Variants in CARF observed in about 807,000 individuals in gnomAD.
The protein encoded by CARF is calcium responsive transcription factor.
A neutral mutation model predicts 82.0 loss-of-function variants in CARF; 57 were observed. The ratio of observed to expected loss-of-function variants is 0.70; its 90% CI spans 0.56 to 0.87. The LOEUF is 0.87. CARF is among the 40% of genes least tolerant of loss of function. The probability of loss-of-function intolerance (pLI) is 0.00; values close to 1 mark genes in which losing one functional copy is unlikely to be tolerated. For synonymous variants in CARF, 268 were observed against 290.1 expected (o/e 0.92, Z 0.77); for missense variants, 771 against 855.8 (o/e 0.90, Z 1.24).
Position 202,982,448 on chromosome 2 carries a change from T to C in CARF, c.2059+7T>C. ...GACAACCACTCAGCTCTTAGTAAGT[T>C]GAAATCAATTTATGATGTTATTGTT... On this transcript the variant is annotated splice_region_variant and intron_variant, in intron 16 of 16. Coordinates refer to ENST00000438828, the MANE Select transcript of CARF (RefSeq NM_024744.17). 1 of 1,613,368 alleles carries C rather than the reference T, an allele frequency of 6.2e-7. No individual in the cohort carries two copies. Among genetic ancestry groups the C allele is most frequent in the East Asian group, 2.2e-5 (1 of 44,874 alleles).
rs561837698 is a variant in CARF at position 202,972,310 on chromosome 2, A to G, written c.1331+572A>G. 1.4e-4 allele frequency among the ~76,000 whole-genome samples: 22 copies of G among 152,196 alleles called. No homozygotes were observed. In the East Asian group the frequency reaches 3.1e-3, roughly 21 times the overall value. ...TCTCATTTAGTCTTACAATAGCACT[A>G]TTAAGTTGGTATATTTATCCCAATT... On this transcript the variant is annotated intron_variant, in intron 12 of 16. Transcript: ENST00000438828.
At chr2:202,969,798 C>A in intron 10 of CARF, 121 bp from the exon 11 acceptor site, 1 of 577,340 alleles carries the variant, frequency 1.7e-6, no homozygotes, top group Non-Finnish European at 2.8e-6. Flanking sequence ...CCTCTGAATA[C>A]TTTACAGATA....
intron 3 of CARF, among the ~76,000 whole-genome samples, chr2:202,930,097 G>A (rs1418036370): frequency 6.6e-6 from 1 of 152,096 alleles, no homozygotes; most frequent in Non-Finnish European, 1.5e-5. Flanking sequence ...GCCCAGGCTG[G>A]AGTGCAGTGG....
Position 202,983,652 on chromosome 2 carries a change from C to A in CARF, c.*28C>A. 7.4e-7 allele frequency: 1 copy of A among 1,342,542 alleles called. No homozygotes were observed. The highest frequency in any genetic ancestry group is 1.1e-6 in the Non-Finnish European group (1 of 938,554). 83.2% of individuals were successfully genotyped at this position (1,342,542 alleles called of 1,614,324 possible). A position where few individuals can be genotyped will look rare whatever the true frequency, so the allele number is the denominator to read the frequency against. ...TATTGAAGCTTTTCAGAATTTACAA[C>A]TCTGGTGACTTCTGATGTCTTAGAA... On this transcript the variant is annotated 3_prime_UTR_variant, in exon 17 of 17. Transcript: ENST00000438828.
intron 5 of CARF, among the ~76,000 whole-genome samples, chr2:202,947,130 A>G (rs2058533393): frequency 6.6e-6 from 1 of 152,202 alleles, no homozygotes; most frequent in Non-Finnish European, 1.5e-5. Flanking sequence ...TACTTTGTGT[A>G]TACCCAAAGG....
At chr2:202,975,741 C>T (rs185892351) in intron 13 of CARF, among the ~76,000 whole-genome samples, 41 of 152,140 alleles carry the variant, frequency 2.7e-4, no homozygotes, top group African/African-American at 9.4e-4. Flanking sequence ...AATAAATGGG[C>T]AAATTTAAAT....
chr2:202,932,735 T>C (rs912323328), intron 3 of CARF, among the ~76,000 whole-genome samples: 1 of 151,952 alleles, frequency 6.6e-6, no homozygotes, highest in African/African-American at 2.4e-5. Flanking sequence ...GGGAACAGCA[T>C]AGCAATGACT....
At chr2:202,934,056 AT>A (rs376495075) in intron 3 of CARF, among the ~76,000 whole-genome samples, 47 of 152,224 alleles carry the variant, frequency 3.1e-4, no homozygotes, top group Middle Eastern at 6.8e-3. Context: ...GTTAAAAAAA[AT>A]ATCAAAAAAA....
intron 3 of CARF, chr2:202,925,825 G>GA (rs1691698901): frequency 5.3e-6 from 1 of 189,150 alleles, no homozygotes; most frequent in Admixed American, 6.0e-5. Context: ...AGAAGCTGCT[G>GA]AAAGGCAAGG....
intron 11 of CARF, among the ~76,000 whole-genome samples, chr2:202,970,490 TA>T (rs2059743973): frequency 6.6e-6 from 1 of 152,212 alleles, no homozygotes; most frequent in African/African-American, 2.4e-5. Context: ...AAGCCGTAAA[TA>T]AAATTCCATT....
chr2:202,912,379 T>G lies in CARF; in HGVS notation c.-1053T>G, dbSNP rs1456873523. ...CCTCTGCTCCGGCGGACTTCCCATGTCGCCTTGTGGGGCTATCGGCGGCGG... is the reference window on the plus strand; with the variant it reads ...CCTCTGCTCCGGCGGACTTCCCATGGCGCCTTGTGGGGCTATCGGCGGCGG... On this transcript the variant is annotated 5_prime_UTR_variant, in exon 1 of 17. Coordinates refer to ENST00000438828, the MANE Select transcript of CARF (RefSeq NM_024744.17). 1 of 151,576 alleles carries G rather than the reference T, an allele frequency of 6.6e-6. No homozygotes were observed. The highest frequency in any genetic ancestry group is 2.4e-5 in the African/African-American group (1 of 41,310). 9.4% of individuals were successfully genotyped at this position (151,576 alleles called of 1,614,324 possible).
intron 2 of CARF, among the ~76,000 whole-genome samples, chr2:202,919,570 T>C (rs1690394183): frequency 6.6e-6 from 1 of 152,196 alleles, no homozygotes; most frequent in Admixed American, 6.5e-5. Context: ...GTGTCGGAGA[T>C]AGAGTTTTTT....
At chr2:202,923,504 G>A (rs1691224052) in intron 2 of CARF, among the ~76,000 whole-genome samples, 1 of 152,204 alleles carries the variant, frequency 6.6e-6, no homozygotes, top group African/African-American at 2.4e-5. Context: ...CATATCCCAT[G>A]TTCATGGATG....
chr2:202,962,365 G>C lies in CARF; in HGVS notation c.832+939G>C, dbSNP rs543176051. The C allele has an allele frequency of 6.6e-5, 10 of 152,094 alleles. No individual in the cohort carries two copies. The East Asian group carries it at 1.7e-3, about 26-fold the overall frequency. The allele number at this position is 152,094 out of a possible 1,614,324, so 9.4% of individuals were successfully genotyped here. Reference sequence around the variant, plus strand: ...AATTACCTGGACATGGTGGCATGGGGCTGTAGTCCCAGCTATTTGGGAAGC... The same window carrying C: ...AATTACCTGGACATGGTGGCATGGGCCTGTAGTCCCAGCTATTTGGGAAGC... On this transcript the variant is annotated intron_variant, in intron 9 of 16. Coordinates refer to ENST00000438828, the MANE Select transcript of CARF (RefSeq NM_024744.17).
In CARF at chr2:202,971,595, G is replaced by A. The variant is rs1212211932; in HGVS notation, c.1188G>A (p.Val396=). ...CLTLSPSPFP[V]SSLEEEETAV... is the part of the protein sequence containing the mutation. ...CTTTGTCACCTTCTCCTTTTCCTGT[G>A]TCTTCTCTTGAAGAAGAGGAAACTG... is the stretch of plus-strand genomic sequence containing the variant. The change falls in exon 12 of 17, where the codon GTG becomes GTA. Residue 396 remains valine, a synonymous_variant. Coordinates refer to ENST00000438828, the MANE Select transcript of CARF (RefSeq NM_024744.17). 38 of 1,613,468 alleles carry A rather than the reference G, an allele frequency of 2.4e-5. No homozygotes were observed. The highest frequency in any genetic ancestry group is 3.1e-5 in the Non-Finnish European group (36 of 1,179,772).
intron 8 of CARF, 84 bp downstream of exon 8, chr2:202,955,842 T>A: frequency 1.2e-6 from 1 of 849,852 alleles, no homozygotes; most frequent in Non-Finnish European, 1.9e-6. Flanking sequence ...TGAGTACAAC[T>A]AATATAGTCT....
At position 202,942,908 on chromosome 2, in the gene CARF, C is replaced by A. The variant is rs1355790110; in HGVS notation, c.247C>A (p.Gln83Lys). ...TGCAGAGCAATTCCATCTAGTGGAC[C>A]AAAATGGGCAGGCTATTCAATATGA... ...LSAEQFHLVD[Q>K]NGQAIQYELQ... is the part of the protein sequence containing the mutation. Residue 83 changes from glutamine (Q) to lysine (K), a missense_variant, in exon 5 of 17, where the codon CAA becomes AAA. By Grantham distance (53) the Gln-to-Lys change is moderately conservative. Transcript: ENST00000438828. 2.5e-6 allele frequency: 4 copies of A among 1,614,016 alleles called. No individual in the cohort carries two copies. The highest frequency in any genetic ancestry group is 1.7e-5 in the Admixed American group (1 of 60,000).
intron 15 of CARF, 100 bp from the exon 16 acceptor site, chr2:202,981,972 T>C (rs1278877628): frequency 7.8e-6 from 10 of 1,289,180 alleles, no homozygotes; most frequent in Non-Finnish European, 1.1e-5. Flanking sequence ...CCATACTCTT[T>C]TTATTTGTTC....
At chr2:202,969,661 A>G (rs1397289535) in intron 10 of CARF, among the ~76,000 whole-genome samples, 4 of 152,090 alleles carry the variant, frequency 2.6e-5, no homozygotes, top group African/African-American at 9.7e-5. Context: ...CAGGAGAATG[A>G]AGAGAAGGCA....
Sources: allele counts gnomAD v4.1 joint callset (sites outside exome capture counted in the v4.1 genomes callset), GRCh38; gene constraint gnomAD v4.1.1; transcripts MANE v1.5; gene names NCBI Gene and HGNC (gene_info 2026-07-23, HGNC 2026-07-21).